SPTB: variants seen among roughly 807,000 people sequenced by gnomAD.
SPTB encodes spectrin beta, erythrocytic.
In SPTB, 45 loss-of-function variants were observed where a neutral mutation model predicts 256.2. That is an observed-to-expected ratio of 0.18 (90% confidence interval 0.14 to 0.23). SPTB has a LOEUF of 0.23. Among genes scored for constraint, SPTB ranks in the 10% least tolerant of loss-of-function variants. The probability of loss-of-function intolerance (pLI) is 1.00; values close to 1 mark genes in which losing one functional copy is unlikely to be tolerated. For synonymous variants in SPTB, 1,231 were observed against 1,243.1 expected (o/e 0.99, Z 0.21); for missense variants, 2,715 against 3,040.4 (o/e 0.89, Z 2.52).
intron 2 of SPTB, among the ~76,000 whole-genome samples, chr14:64,815,020 G>GTA (rs2083163505): frequency 7.3e-6 from 1 of 136,984 alleles, no homozygotes; most frequent in African/African-American, 3.1e-5. Context: ...AGGTGTGTAT[G>GTA]TGTGTGTGTG....
intron 1 of SPTB, among the ~76,000 whole-genome samples, chr14:64,851,208 A>G (rs1198389812): frequency 6.6e-6 from 1 of 152,228 alleles, no homozygotes. Context: ...AACGCAGTAC[A>G]AGGATTAAGA....
Position 64,793,521 on chromosome 14 carries a change from G to GATC in SPTB, c.2139_2141dup (p.Gln713_Ile714insMet). ...CCGACACCTCCTTTATGCGGGCCTC[G>GATC]ATCTGCGGGTGCCCAAACTGCTTGC... On this transcript the variant is annotated inframe_insertion, in exon 14 of 36. Transcript: ENST00000644917. This position sits in a 1 kb window ranked among gnomAD's most constrained non-coding sequence, Gnocchi z 7.0. The GATC allele has an allele frequency of 5.0e-6, 8 of 1,614,088 alleles. No homozygotes were observed. The highest frequency in any genetic ancestry group is 6.8e-6 in the Non-Finnish European group (8 of 1,180,020).
In SPTB at chr14:64,792,867, T is replaced by A. The variant is rs1282704735; in HGVS notation, c.2666+130A>T. 2.3e-6 allele frequency: 3 copies of A among 1,311,622 alleles called. No homozygotes were observed. The highest frequency in any genetic ancestry group is 3.2e-6 in the Non-Finnish European group (3 of 936,744). The allele number at this position is 1,311,622 out of a possible 1,614,324, so 81.2% of individuals were successfully genotyped here. On this transcript the variant is annotated intron_variant, in intron 14 of 35. Transcript: ENST00000644917. This position sits in a 1 kb window ranked among gnomAD's most constrained non-coding sequence, Gnocchi z 4.2. ...ACTTATGACTCCTAATGCCAGGACT[T>A]TGCAACAAAGGACATCCCAGGGCCT... is the stretch of plus-strand genomic sequence containing the variant.
intron 9 of SPTB, among the ~76,000 whole-genome samples, chr14:64,798,706 C>T (rs952484397): frequency 2.0e-5 from 3 of 152,234 alleles, no homozygotes; most frequent in South Asian, 2.1e-4. Flanking sequence ...AGGATGCTAA[C>T]TGTATTGGAT....
rs150471537 is a variant in SPTB, at chr14:64,784,333, G to T, written c.3916C>A (p.Arg1306=). 2 of 1,614,234 alleles carry T rather than the reference G, an allele frequency of 1.2e-6. No homozygotes were observed. The highest frequency in any genetic ancestry group is 1.3e-5 in the African/African-American group (1 of 75,062). ...TTTAGCCATTTATTGTGAAGGTTTC[G>T]TGCTTCATCATAGGAGACATCCTGA... ...TSQDVSYDEA[R]NLHNKWLKHQ... Residue 1306 remains arginine (R), a synonymous_variant, in exon 19 of 36, where the codon CGA becomes AGA. Coordinates refer to ENST00000644917, the MANE Select transcript of SPTB (RefSeq NM_001355436.2).
At chr14:64,800,045 C>T (rs2082852134) in intron 8 of SPTB, 111 bp from the exon 9 acceptor site, 6 of 1,330,892 alleles carry the variant, frequency 4.5e-6, no homozygotes, top group Non-Finnish European at 6.4e-6. Context: ...ACCTCCTAAG[C>T]CCTGGAGTGC....
In SPTB at chr14:64,796,769, T is replaced by C. The variant is rs2082777972; in HGVS notation, c.1183-54A>G. 3 of 1,610,268 alleles carry C rather than the reference T, an allele frequency of 1.9e-6. No individual in the cohort carries two copies. In the South Asian group the frequency reaches 3.3e-5, roughly 18 times the overall value. On this transcript the variant is annotated intron_variant, in intron 10 of 35. Coordinates refer to ENST00000644917, the MANE Select transcript of SPTB (RefSeq NM_001355436.2). This position sits in a 1 kb window ranked among gnomAD's most constrained non-coding sequence, Gnocchi z 4.1. ...GGGGCACAGGAGAAATGCCTCACTT[T>C]GGGGGCTCCACCCCTTTCACCCAAC...
At chr14:64,846,536 G>A (rs536596697) in intron 1 of SPTB, among the ~76,000 whole-genome samples, 1 of 152,362 alleles carries the variant, frequency 6.6e-6, no homozygotes, top group South Asian at 2.1e-4. Flanking sequence ...GCAGATAAAT[G>A]TACGCACCTG....
At chr14:64,828,309 G>T (rs1403091707) in intron 1 of SPTB, among the ~76,000 whole-genome samples, 1 of 152,056 alleles carries the variant, frequency 6.6e-6, no homozygotes, top group East Asian at 1.9e-4. Flanking sequence ...GAATAGGGGT[G>T]GGGGTGGATG....
intron 1 of SPTB, among the ~76,000 whole-genome samples, chr14:64,855,476 T>G (rs17102227): frequency 6.6e-6 from 1 of 152,168 alleles, no homozygotes. Context: ...ATATTCATCA[T>G]CCCTTGTGTT....
chr14:64,832,079 T>C (rs1460827016), intron 1 of SPTB, among the ~76,000 whole-genome samples: 1 of 151,948 alleles, frequency 6.6e-6, no homozygotes, highest in Non-Finnish European at 1.5e-5. Context: ...AACTGAGAAG[T>C]ATGATGACCT....
In SPTB at chr14:64,816,003, C is replaced by T. The variant is rs1444342693; in HGVS notation, c.148+6944G>A. On this transcript the variant is annotated intron_variant, in intron 2 of 35. Transcript: ENST00000644917. The surrounding 1 kb of genome is among the most constrained non-coding windows in gnomAD (Gnocchi z 4.2). ...CCTATGGGTAACAAGCTAGCTCAAACAGCGTCTTCTCTTTACCGGACTTCT... is the reference window on the plus strand; with the variant it reads ...CCTATGGGTAACAAGCTAGCTCAAATAGCGTCTTCTCTTTACCGGACTTCT... 6.6e-6 allele frequency among the ~76,000 whole-genome samples: 1 copy of T among 152,228 alleles called. No homozygotes were observed. The highest frequency in any genetic ancestry group is 2.4e-5 in the African/African-American group (1 of 41,452).
chr14:64,768,912 A>C, intron 29 of SPTB, 122 bp downstream of exon 29: 1 of 838,092 alleles, frequency 1.2e-6, no homozygotes, highest in South Asian at 1.3e-5. Flanking sequence ...GCTGAAGAGC[A>C]GTGCTGTGGG....
Position 64,753,747 on chromosome 14 carries a change from G to A in SPTB, c.6392C>T (p.Pro2131Leu), listed in dbSNP as rs200556500. 97 of 1,613,616 alleles carry A rather than the reference G, an allele frequency of 6.0e-5. No homozygotes were observed. The highest frequency in any genetic ancestry group is 4.9e-4 in the Middle Eastern group (3 of 6,062). ...CTGCCCATCCTTGTGCTGACCCGGC[G>A]GTGGTGGCTGCTGCAGGTTCTGAGG... ...TWPQNLQQPP[P>L]PGQHKDGQKS... Residue 2131 changes from proline to leucine, a missense_variant, in exon 33 of 36, where the codon CCG becomes CTG. Coordinates refer to ENST00000644917, the MANE Select transcript of SPTB (RefSeq NM_001355436.2).
At chr14:64,771,205 A>T in intron 26 of SPTB, 76 bp from the exon 27 acceptor site, 1 of 1,601,456 alleles carries the variant, frequency 6.2e-7, no homozygotes, top group Non-Finnish European at 8.5e-7. Context: ...CTGGAAGGGC[A>T]GCTACCTCCT....
chr14:64,863,468 C>A (rs999571380), intron 1 of SPTB, among the ~76,000 whole-genome samples: 4 of 152,214 alleles, frequency 2.6e-5, no homozygotes, highest in African/African-American at 4.8e-5. Context: ...CACAATGGCA[C>A]CTACCTGGCT....
intron 1 of SPTB, among the ~76,000 whole-genome samples, chr14:64,877,354 G>A (rs920140882): frequency 3.2e-4 from 48 of 152,246 alleles, no homozygotes; most frequent in African/African-American, 1.2e-3. Context: ...TATGAAGCTA[G>A]AAGACAAACA....
chr14:64,862,305 T>TG, intron 1 of SPTB, among the ~76,000 whole-genome samples: 1 of 152,250 alleles, frequency 6.6e-6, no homozygotes, highest in East Asian at 1.9e-4. Context: ...CAAGTGCCAG[T>TG]GGGCACCACA....
At chr14:64,761,698 C>G (rs954744059) in intron 32 of SPTB, among the ~76,000 whole-genome samples, 2 of 152,142 alleles carry the variant, frequency 1.3e-5, no homozygotes, top group South Asian at 2.1e-4. Flanking sequence ...GAGGCTTCCT[C>G]GGGAGCTGTC....
Sources: allele counts gnomAD v4.1 joint callset (sites outside exome capture counted in the v4.1 genomes callset), GRCh38; gene constraint gnomAD v4.1.1; non-coding constraint Gnocchi (gnomAD v3.1); transcripts MANE v1.5; gene names NCBI Gene and HGNC (gene_info 2026-07-23, HGNC 2026-07-21).